The following BRINP3 variants were observed in gnomAD, a reference collection of about 807,000 sequenced individuals.
BRINP3 encodes the protein BMP/retinoic acid inducible neural specific 3.
In BRINP3, 19 loss-of-function variants were observed where a neutral mutation model predicts 71.0. The observed-to-expected ratio is 0.27, with a 90% CI of 0.19 to 0.39. The LOEUF (loss-of-function observed/expected upper bound fraction) is 0.39, where lower values mean the gene tolerates loss of function less well. BRINP3 is among the 10% of genes least tolerant of loss of function. The pLI, the probability that BRINP3 is intolerant of heterozygous loss-of-function variation, is 1.00. For missense variants in BRINP3, 959 were observed against 940.8 expected, an observed-to-expected ratio of 1.02 and a Z score of -0.25; for synonymous variants, 380 against 337.7, an observed-to-expected ratio of 1.13 and a Z score of -1.37.
At chr1:190,149,594 G>A (rs998837794) in intron 7 of BRINP3, among the ~76,000 whole-genome samples, 1 of 151,756 alleles carries the variant, frequency 6.6e-6, no homozygotes, top group Non-Finnish European at 1.5e-5. Context: ...GTGCGTGCGT[G>A]TTAGTGTGCA....
At chr1:190,455,395 A>G (rs977009747) in intron 1 of BRINP3, among the ~76,000 whole-genome samples, 4 of 152,192 alleles carry the variant, frequency 2.6e-5, no homozygotes, top group Admixed American at 2.0e-4. Context: ...AGTTATTTCC[A>G]TAATCTACAT....
At chr1:190,299,282 A>G (rs1218027514) in intron 2 of BRINP3, among the ~76,000 whole-genome samples, 1 of 152,110 alleles carries the variant, frequency 6.6e-6, no homozygotes, top group African/African-American at 2.4e-5. Flanking sequence ...TAATTAGTGT[A>G]TGTATACCAT....
chr1:190,194,807 C>A (rs1654336766), intron 6 of BRINP3, among the ~76,000 whole-genome samples: 1 of 152,016 alleles, frequency 6.6e-6, no homozygotes, highest in Non-Finnish European at 1.5e-5. Flanking sequence ...AATAAGAAAG[C>A]AGCTGCTCAT....
chr1:190,468,109 ATAGT>A (rs1344314463), intron 1 of BRINP3, among the ~76,000 whole-genome samples: 3 of 151,456 alleles, frequency 2.0e-5, no homozygotes, highest in South Asian at 2.1e-4. Flanking sequence ...ATTTTAATTA[ATAGT>A]TAATAATTGT....
intron 2 of BRINP3, among the ~76,000 whole-genome samples, chr1:190,395,893 A>T (rs981669386): frequency 6.6e-6 from 1 of 151,846 alleles, no homozygotes; most frequent in Non-Finnish European, 1.5e-5. Context: ...TCAAAGCCAC[A>T]GTATGTCCCT....
chr1:190,409,611 A>G (rs1020574765), intron 2 of BRINP3, among the ~76,000 whole-genome samples: 1 of 152,126 alleles, frequency 6.6e-6, no homozygotes, highest in Non-Finnish European at 1.5e-5. Flanking sequence ...CCCTTTAAGC[A>G]TTTTCTTTTT....
At chr1:190,411,483 T>C (rs955338219) in intron 2 of BRINP3, among the ~76,000 whole-genome samples, 4 of 152,180 alleles carry the variant, frequency 2.6e-5, no homozygotes, top group African/African-American at 9.6e-5. Flanking sequence ...ATTCTCCTAA[T>C]TGTCTTACTC....
At chr1:190,373,432 A>ATGTGTG (rs1433310827) in intron 2 of BRINP3, among the ~76,000 whole-genome samples, 7 of 130,412 alleles carry the variant, frequency 5.4e-5, no homozygotes, top group South Asian at 2.6e-4. Flanking sequence ...TTATATATAT[A>ATGTGTG]TATGTGTGTG....
intron 7 of BRINP3, among the ~76,000 whole-genome samples, chr1:190,140,934 C>T (rs988242146): frequency 5.9e-5 from 9 of 152,068 alleles, no homozygotes; most frequent in East Asian, 1.9e-4. Flanking sequence ...TTCACAAGAG[C>T]GGGAAAACTT....
At chr1:190,266,893 T>A (rs1661711341) in intron 3 of BRINP3, among the ~76,000 whole-genome samples, 1 of 152,132 alleles carries the variant, frequency 6.6e-6, no homozygotes, top group Non-Finnish European at 1.5e-5. Context: ...TCTTGGTAAA[T>A]GTAGATTAAA....
chr1:190,196,889 G>T (rs758229222), intron 6 of BRINP3, among the ~76,000 whole-genome samples: 4 of 150,562 alleles, frequency 2.7e-5, no homozygotes, highest in Non-Finnish European at 5.9e-5. Context: ...AACCAAATAA[G>T]GGTAGACTTG....
chr1:190,320,338 T>C (rs891879187), intron 2 of BRINP3, among the ~76,000 whole-genome samples: 6 of 152,038 alleles, frequency 3.9e-5, no homozygotes, highest in Non-Finnish European at 7.4e-5. Context: ...GTAATTGTGG[T>C]GAGTTAAATC....
At chr1:190,246,799 T>G (rs1456198496) in intron 4 of BRINP3, among the ~76,000 whole-genome samples, 1 of 152,014 alleles carries the variant, frequency 6.6e-6, no homozygotes, top group Non-Finnish European at 1.5e-5. Context: ...GTAACTGTTG[T>G]GCCTTCTACC....
intron 4 of BRINP3, among the ~76,000 whole-genome samples, chr1:190,264,404 T>C (rs1379854372): frequency 2.0e-5 from 3 of 152,114 alleles, no homozygotes; most frequent in Non-Finnish European, 4.4e-5. Flanking sequence ...CTTAAAAACA[T>C]TGAGGGGTCA....
intron 6 of BRINP3, among the ~76,000 whole-genome samples, chr1:190,212,502 T>C (rs911233281): frequency 6.6e-6 from 1 of 152,064 alleles, no homozygotes; most frequent in African/African-American, 2.4e-5. Context: ...AATTTATATA[T>C]CCTCATCTGA....
At chr1:190,132,724 C>G (rs1571792421) in intron 7 of BRINP3, among the ~76,000 whole-genome samples, 1 of 152,012 alleles carries the variant, frequency 6.6e-6, no homozygotes, top group Non-Finnish European at 1.5e-5. Flanking sequence ...TTTGAAATTC[C>G]TTCCATCAAG....
At chr1:190,325,063 CAGCATAGT>C (rs1325955312) in intron 2 of BRINP3, among the ~76,000 whole-genome samples, 5 of 151,730 alleles carry the variant, frequency 3.3e-5, no homozygotes, top group Admixed American at 3.3e-4. Flanking sequence ...AAATAATCGG[CAGCATAGT>C]AGGACAAATA....
intron 7 of BRINP3, among the ~76,000 whole-genome samples, chr1:190,131,005 G>A (rs1026737045): frequency 7.2e-5 from 11 of 151,766 alleles, no homozygotes; most frequent in Admixed American, 2.0e-4. Flanking sequence ...TTCTTTTAAC[G>A]TGGAAAAGCA....
At chr1:190,375,166 T>C (rs538954864) in intron 2 of BRINP3, among the ~76,000 whole-genome samples, 1 of 152,058 alleles carries the variant, frequency 6.6e-6, no homozygotes, top group South Asian at 2.1e-4. Context: ...ATTTAGGAAA[T>C]AAAGGAGTTG....
Sources: gnomAD v4.1 joint callset for allele counts (sites outside exome capture counted in the v4.1 genomes callset) on GRCh38, gnomAD v4.1.1 for gene constraint, MANE v1.5 for transcripts, NCBI Gene and HGNC (gene_info 2026-07-23, HGNC 2026-07-21) for gene names.